RIMS1: variants seen among roughly 807,000 people sequenced by gnomAD.
The protein encoded by RIMS1 is regulating synaptic membrane exocytosis 1.
In RIMS1, 83 loss-of-function variants were observed where a neutral mutation model predicts 214.1. The ratio of observed to expected loss-of-function variants is 0.39; its 90% CI spans 0.32 to 0.47. The LOEUF (loss-of-function observed/expected upper bound fraction) is 0.47, where lower values mean the gene tolerates loss of function less well. Ranked by LOEUF, RIMS1 falls within the 20% of genes least tolerant of loss-of-function variation. RIMS1 has a pLI of 0.99. For synonymous variants in RIMS1, 793 were observed against 786.8 expected, an observed-to-expected ratio of 1.01 and a Z score of -0.13; for missense variants, 2,050 against 2,161.8, an observed-to-expected ratio of 0.95 and a Z score of 1.03.
intron 6 of RIMS1, among the ~76,000 whole-genome samples, chr6:72,228,664 C>G (rs1208944750): frequency 6.6e-6 from 1 of 151,802 alleles, no homozygotes; most frequent in Non-Finnish European, 1.5e-5. Context: ...ATCTCAATTC[C>G]TTTGGATAAG....
At chr6:71,934,999 G>T (rs1784061727) in intron 1 of RIMS1, among the ~76,000 whole-genome samples, 1 of 152,118 alleles carries the variant, frequency 6.6e-6, no homozygotes, top group East Asian at 1.9e-4. Flanking sequence ...TTAACATTGA[G>T]ACCAGTGATA....
chr6:71,915,492 T>G (rs1308917801), intron 1 of RIMS1, among the ~76,000 whole-genome samples: 1 of 152,142 alleles, frequency 6.6e-6, no homozygotes, highest in Non-Finnish European at 1.5e-5. Flanking sequence ...CTGTGAATCT[T>G]TTTCACTTGA....
chr6:71,981,394 A>G (rs953763751), intron 2 of RIMS1, among the ~76,000 whole-genome samples: 2 of 152,118 alleles, frequency 1.3e-5, no homozygotes, highest in African/African-American at 4.8e-5. Flanking sequence ...TCAGGTCAGG[A>G]TTCATTGGCA....
At chr6:72,066,683 C>T (rs1363204070) in intron 2 of RIMS1, among the ~76,000 whole-genome samples, 1 of 152,130 alleles carries the variant, frequency 6.6e-6, no homozygotes, top group African/African-American at 2.4e-5. Context: ...ACATGTGTAT[C>T]TCTACCCCAA....
Position 72,402,390 on chromosome 6 carries a change from A to C in RIMS1, c.*1676A>C, listed in dbSNP as rs1394144347. ...TGTCTATAGATGGACTTTATTTTTT[A>C]CCCTCCGGAAAACGTGATGTAGTAC... On this transcript the variant is annotated 3_prime_UTR_variant, in exon 34 of 34. Coordinates refer to ENST00000521978, the MANE Select transcript of RIMS1 (RefSeq NM_014989.7). The C allele has an allele frequency of 6.6e-6, 1 of 152,606 alleles. No homozygotes were observed. The highest frequency in any genetic ancestry group is 1.5e-5 in the Non-Finnish European group (1 of 68,022). The allele number at this position is 152,606 out of a possible 1,614,324, so 9.5% of individuals were successfully genotyped here. A position where few individuals can be genotyped will look rare whatever the true frequency, so the allele number is the denominator to read the frequency against.
intron 2 of RIMS1, among the ~76,000 whole-genome samples, chr6:72,008,464 C>A (rs1190212580): frequency 1.3e-5 from 2 of 152,204 alleles, no homozygotes; most frequent in Non-Finnish European, 2.9e-5. Context: ...ATCAAATTCA[C>A]ACATAACAAT....
At chr6:72,305,075 G>A (rs1322356165) in intron 26 of RIMS1, among the ~76,000 whole-genome samples, 11 of 151,870 alleles carry the variant, frequency 7.2e-5, no homozygotes, top group African/African-American at 2.7e-4. Flanking sequence ...TTAGATTCAT[G>A]TTAGTTGTAT....
chr6:71,966,121 A>C (rs1482352413), intron 1 of RIMS1, among the ~76,000 whole-genome samples: 3 of 152,214 alleles, frequency 2.0e-5, no homozygotes, highest in African/African-American at 7.2e-5. Flanking sequence ...AAGCAAACAA[A>C]AATCTTGTGA....
intron 2 of RIMS1, among the ~76,000 whole-genome samples, chr6:72,009,327 G>T (rs142270779): frequency 6.6e-6 from 1 of 152,122 alleles, no homozygotes; most frequent in East Asian, 1.9e-4. Flanking sequence ...TTAAAGCAGT[G>T]TGTAGAGGGA....
intron 1 of RIMS1, among the ~76,000 whole-genome samples, chr6:71,887,695 T>G (rs1344660783): frequency 1.3e-5 from 2 of 152,196 alleles, no homozygotes; most frequent in African/African-American, 4.8e-5. Context: ...TTTTTAGTGT[T>G]CATTTTAGTA....
chr6:72,276,936 A>G (rs750871307), intron 23 of RIMS1, among the ~76,000 whole-genome samples: 35 of 152,216 alleles, frequency 2.3e-4, no homozygotes, highest in Non-Finnish European at 4.9e-4. Flanking sequence ...TAAGAATTTC[A>G]GCGTTAGGTG....
intron 10 of RIMS1, among the ~76,000 whole-genome samples, chr6:72,245,034 C>T (rs1352113931): frequency 9.2e-5 from 14 of 151,824 alleles, no homozygotes; most frequent in Admixed American, 8.5e-4. Flanking sequence ...TAGTCCTATG[C>T]AGTATAATAC....
chr6:72,217,496 G>A (rs1562653659), intron 6 of RIMS1, among the ~76,000 whole-genome samples: 1 of 152,044 alleles, frequency 6.6e-6, no homozygotes, highest in Non-Finnish European at 1.5e-5. Context: ...TTACATTTAA[G>A]TCTTAACTTG....
At chr6:72,371,489 A>C (rs1313642401) in intron 29 of RIMS1, among the ~76,000 whole-genome samples, 1 of 152,220 alleles carries the variant, frequency 6.6e-6, no homozygotes, top group Non-Finnish European at 1.5e-5. Context: ...AAGACTTGAA[A>C]CTTTGTCCAT....
intron 17 of RIMS1, 45 bp from the exon 18 acceptor site, chr6:72,258,941 G>A (rs764356188): frequency 6.3e-7 from 1 of 1,594,956 alleles, no homozygotes; most frequent in South Asian, 1.1e-5. Flanking sequence ...CCTGTTTTGG[G>A]AAGATGATAC....
chr6:72,187,539 T>G (rs1031935057), intron 6 of RIMS1, among the ~76,000 whole-genome samples: 1 of 144,692 alleles, frequency 6.9e-6, no homozygotes, highest in African/African-American at 2.6e-5. Context: ...TACAGTGATG[T>G]GATCTTGGCT....
chr6:72,112,156 C>T (rs1436369924), intron 4 of RIMS1, among the ~76,000 whole-genome samples: 3 of 152,044 alleles, frequency 2.0e-5, no homozygotes, highest in East Asian at 3.9e-4. Context: ...CTGGCCTTTC[C>T]TCCCCCTGCA....
intron 6 of RIMS1, among the ~76,000 whole-genome samples, chr6:72,202,605 A>G (rs1287555885): frequency 6.6e-6 from 1 of 152,196 alleles, no homozygotes; most frequent in East Asian, 1.9e-4. Context: ...AATTCAACTC[A>G]ATGATAATAT....
chr6:72,200,699 G>A lies in RIMS1; in HGVS notation c.1678+17550G>A, dbSNP rs561651406. ...TAAACAATTCTCCCTCTTAACTACC[G>A]AAAAGGAGACATATGACTTGGGGCA... is the stretch of plus-strand genomic sequence containing the variant. On this transcript the variant is annotated intron_variant, in intron 6 of 33. Coordinates refer to ENST00000521978, the MANE Select transcript of RIMS1 (RefSeq NM_014989.7). 1.3e-3 allele frequency among the ~76,000 whole-genome samples: 192 copies of A among 152,258 alleles called. 1 individual carries two copies. The highest frequency in any genetic ancestry group is 3.4e-3 in the Middle Eastern group (1 of 294).
Sources: gnomAD v4.1 joint callset for allele counts (sites outside exome capture counted in the v4.1 genomes callset) on GRCh38, gnomAD v4.1.1 for gene constraint, MANE v1.5 for transcripts, NCBI Gene and HGNC (gene_info 2026-07-23, HGNC 2026-07-21) for gene names.